B4GALNT3: variants seen among roughly 807,000 people sequenced by gnomAD.
B4GALNT3 encodes beta-1,4-N-acetylgalactosaminyltransferase 3.
B4GALNT3 carries 86 observed loss-of-function variants against 120.2 expected under a neutral mutation model. That is an observed-to-expected ratio of 0.72 (90% CI 0.60 to 0.86). The LOEUF is 0.86. Ranked by LOEUF, B4GALNT3 falls within the 40% of genes least tolerant of loss-of-function variation. The pLI is 0.00. For synonymous variants in B4GALNT3, 518 were observed against 510.4 expected, an observed-to-expected ratio of 1.01 and a Z score of -0.20; for missense variants, 1,167 against 1,298.9, an observed-to-expected ratio of 0.90 and a Z score of 1.56.
At chr12:560,407 G>C (rs563015802) in intron 19 of B4GALNT3, among the ~76,000 whole-genome samples, 2 of 152,138 alleles carry the variant, frequency 1.3e-5, no homozygotes, top group African/African-American at 4.8e-5. Context: ...CAGTGAGGTC[G>C]GCATCATGAT....
At chr12:474,420 T>C (rs1361574503) in intron 1 of B4GALNT3, among the ~76,000 whole-genome samples, 2 of 152,198 alleles carry the variant, frequency 1.3e-5, no homozygotes, top group Non-Finnish European at 2.9e-5. Flanking sequence ...TTTTGTCTGT[T>C]TGTCTTCCCC....
chr12:533,517 C>T (rs566022280), intron 1 of B4GALNT3, among the ~76,000 whole-genome samples: 2 of 152,348 alleles, frequency 1.3e-5, no homozygotes, highest in South Asian at 2.1e-4. Context: ...CTGCTGAGGC[C>T]TCTGCGCCGG....
chr12:538,400 T>TA (rs999560925), intron 3 of B4GALNT3, among the ~76,000 whole-genome samples: 23 of 145,776 alleles, frequency 1.6e-4, no homozygotes, highest in South Asian at 1.3e-3. Flanking sequence ...CTACAAATAA[T>TA]AAAAAAAAAA....
intron 1 of B4GALNT3, among the ~76,000 whole-genome samples, chr12:526,339 T>C (rs1324866076): frequency 6.6e-6 from 1 of 152,188 alleles, no homozygotes; most frequent in Non-Finnish European, 1.5e-5. Flanking sequence ...TTTGAAAGAC[T>C]CCAGGGAGGA....
chr12:497,890 C>G (rs1329006193), intron 1 of B4GALNT3, among the ~76,000 whole-genome samples: 1 of 152,108 alleles, frequency 6.6e-6, no homozygotes, highest in Non-Finnish European at 1.5e-5. Context: ...TGATTCTTTA[C>G]CCTAACCACT....
intron 3 of B4GALNT3, among the ~76,000 whole-genome samples, chr12:539,659 T>C (rs906317108): frequency 2.0e-5 from 3 of 152,102 alleles, no homozygotes; most frequent in African/African-American, 7.2e-5. Context: ...ACACCTGTAA[T>C]GCTAGCACTT....
chr12:551,017 C>T lies in B4GALNT3; in HGVS notation c.1093C>T (p.Gln365Ter). The T allele has an allele frequency of 1.2e-6, 2 of 1,611,772 alleles. No individual in the cohort carries two copies. The highest frequency in any genetic ancestry group is 1.7e-6 in the Non-Finnish European group (2 of 1,177,798). ...GGATGGGCTTCCTCTGCAGCGCTACCAGGGACTCCGGTTTGTAAGTCTTGG... is the reference window on the plus strand; with the variant it reads ...GGATGGGCTTCCTCTGCAGCGCTACTAGGGACTCCGGTTTGTAAGTCTTGG... ...LVDGLPLQRY[Q>*]GLRFVHLSFV... is the part of the protein sequence containing the mutation. The change falls in exon 11 of 20, where the codon CAG becomes TAG. Residue 365 changes from glutamine (Q) to a stop codon, truncating the protein, a stop_gained. Transcript: ENST00000266383. LOFTEE classifies it high-confidence loss of function.
intron 1 of B4GALNT3, among the ~76,000 whole-genome samples, chr12:527,781 C>G (rs1222334505): frequency 6.6e-6 from 1 of 152,190 alleles, no homozygotes; most frequent in East Asian, 1.9e-4. Flanking sequence ...CAGGCTCACA[C>G]TCAAATGCTC....
intron 1 of B4GALNT3, among the ~76,000 whole-genome samples, chr12:492,055 C>CAAAAAAAA (rs55702729): frequency 7.6e-6 from 1 of 131,970 alleles, no homozygotes; most frequent in Admixed American, 7.8e-5. Context: ...GAGACCGTCT[C>CAAAAAAAA]AAAAAAAAAA....
At chr12:500,864 G>GTTTTTTTTTTTTTTTTT (rs1565594758) in intron 1 of B4GALNT3, among the ~76,000 whole-genome samples, 2 of 16,748 alleles carry the variant, frequency 1.2e-4, no homozygotes, top group Admixed American at 5.4e-4. Context: ...TGGCTCCACT[G>GTTTTTTTTTTTTTTTTT]CTTTTTTTTT....
chr12:460,365 C>T lies in B4GALNT3; in HGVS notation c.-12C>T, dbSNP rs1366356597. ...GAGCCCGCGCTGGCGGCGGCCGCCTCGGCGCAGCGCCATGGGGAGCCCCCG... is the reference window on the plus strand; with the variant it reads ...GAGCCCGCGCTGGCGGCGGCCGCCTTGGCGCAGCGCCATGGGGAGCCCCCG... On this transcript the variant is annotated 5_prime_UTR_variant, in exon 1 of 20. Transcript: ENST00000266383. This position sits in a 1 kb window ranked among gnomAD's most constrained non-coding sequence, Gnocchi z 8.0. 1 of 1,186,688 alleles carries T rather than the reference C, an allele frequency of 8.4e-7. No homozygotes were observed. Among genetic ancestry groups the T allele is most frequent in the Non-Finnish European group, 1.0e-6 (1 of 960,122 alleles). 73.5% of individuals were successfully genotyped at this position (1,186,688 alleles called of 1,614,324 possible). A position where few individuals can be genotyped will look rare whatever the true frequency, so the allele number is the denominator to read the frequency against.
chr12:500,865 C>CCTTTTTTTTTT (rs2043817132), intron 1 of B4GALNT3, among the ~76,000 whole-genome samples: 4 of 61,830 alleles, frequency 6.5e-5, no homozygotes, highest in African/African-American at 2.2e-4. Flanking sequence ...GGCTCCACTG[C>CCTTTTTTTTTT]TTTTTTTTTT....
intron 19 of B4GALNT3, among the ~76,000 whole-genome samples, chr12:559,999 A>G (rs562173925): frequency 2.8e-4 from 43 of 152,320 alleles, no homozygotes; most frequent in African/African-American, 1.0e-3. Flanking sequence ...AGAACACAGT[A>G]CAAGCTGCTG....
intron 1 of B4GALNT3, among the ~76,000 whole-genome samples, chr12:512,922 C>T (rs1946608433): frequency 7.9e-6 from 1 of 127,000 alleles, no homozygotes; most frequent in Non-Finnish European, 1.8e-5. Context: ...CCACCTTCTG[C>T]CTTCCACCTT....
chr12:542,112 G>A (rs540012871), intron 3 of B4GALNT3, among the ~76,000 whole-genome samples: 37 of 152,124 alleles, frequency 2.4e-4, no homozygotes, highest in African/African-American at 7.2e-4. Flanking sequence ...TCTCCCATCC[G>A]TTCCAGTCTC....
At chr12:561,291 C>T (rs1947228970) in intron 19 of B4GALNT3, 52 bp from the exon 20 acceptor site, 2 of 1,477,360 alleles carry the variant, frequency 1.4e-6, no homozygotes, top group Non-Finnish European at 1.9e-6. Flanking sequence ...GGAGGGGCCC[C>T]CCAGCTGCCT....
At chr12:512,241 TTCCACCTTC>T in intron 1 of B4GALNT3, among the ~76,000 whole-genome samples, 1 of 52,476 alleles carries the variant, frequency 1.9e-5, no homozygotes, top group Non-Finnish European at 3.4e-5. Flanking sequence ...ACCTTCCACC[TTCCACCTTC>T]TTCCACCTTC....
intron 1 of B4GALNT3, among the ~76,000 whole-genome samples, chr12:500,134 C>CTT (rs11404066): frequency 3.3e-5 from 5 of 149,360 alleles, no homozygotes; most frequent in Admixed American, 1.3e-4. Context: ...GGAGAAGCAG[C>CTT]TTTTTTTTTT....
chr12:561,257 G>T lies in B4GALNT3; in HGVS notation c.2889-86G>T, dbSNP rs547058552. On this transcript the variant is annotated intron_variant, in intron 19 of 19. Coordinates refer to ENST00000266383, the MANE Select transcript of B4GALNT3 (RefSeq NM_173593.4). The stretch of plus-strand genomic sequence containing the variant: ...CTGCCTTCCCTGCCCCGTGGGGAGC[G>T]AACAGAGGGTCTGTGGTCGATGGGG... 8.0e-6 allele frequency: 8 copies of T among 1,002,704 alleles called. No individual in the cohort carries two copies. The African/African-American group carries it at 9.5e-5, about 12-fold the overall frequency. 62.1% of individuals were successfully genotyped at this position (1,002,704 alleles called of 1,614,324 possible). A position where few individuals can be genotyped will look rare whatever the true frequency, so the allele number is the denominator to read the frequency against.
Sources: gnomAD v4.1 joint callset for allele counts (sites outside exome capture counted in the v4.1 genomes callset) on GRCh38, gnomAD v4.1.1 for gene constraint, Gnocchi (gnomAD v3.1) non-coding constraint, MANE v1.5 for transcripts, NCBI Gene and HGNC (gene_info 2026-07-23, HGNC 2026-07-21) for gene names.